TECTA: variants seen among roughly 807,000 people sequenced by gnomAD.
TECTA encodes the protein tectorin alpha.
Under a neutral mutation model 216.8 loss-of-function variants are expected in TECTA, and 128 were observed. The ratio of observed to expected loss-of-function variants is 0.59; its 90% CI spans 0.51 to 0.68. The LOEUF is 0.68. TECTA is among the 30% of genes least tolerant of loss of function. The pLI is 0.00. For missense variants in TECTA, 2,551 were observed against 2,786.2 expected (o/e 0.92, Z 1.90); for synonymous variants, 1,089 against 1,117.1 (o/e 0.97, Z 0.50).
chr11:121,108,140 G>A (rs1323135627), intron 3 of TECTA, among the ~76,000 whole-genome samples: 4 of 152,070 alleles, frequency 2.6e-5, no homozygotes, highest in Admixed American at 2.6e-4. Flanking sequence ...CTAACATAGG[G>A]CACCTCAATT....
At chr11:121,104,337 G>T (rs780261737) in intron 2 of TECTA, among the ~76,000 whole-genome samples, 2 of 152,134 alleles carry the variant, frequency 1.3e-5, no homozygotes, top group Non-Finnish European at 2.9e-5. Context: ...CCTGCTGGTT[G>T]TGACATTAAA....
chr11:121,142,785 G>A (rs1160655373), intron 11 of TECTA, among the ~76,000 whole-genome samples: 1 of 151,978 alleles, frequency 6.6e-6, no homozygotes, highest in Admixed American at 6.6e-5. Context: ...TCCCTTCCAG[G>A]TGCCGAGAGT....
intron 11 of TECTA, among the ~76,000 whole-genome samples, chr11:121,140,189 A>G (rs1298328826): frequency 6.6e-6 from 1 of 152,158 alleles, no homozygotes; most frequent in Non-Finnish European, 1.5e-5. Flanking sequence ...TAGGTACCGC[A>G]ACATCTGAGG....
intron 3 of TECTA, among the ~76,000 whole-genome samples, chr11:121,108,629 C>T (rs1340028584): frequency 1.3e-5 from 2 of 149,820 alleles, no homozygotes; most frequent in African/African-American, 2.5e-5. Flanking sequence ...CACTCCCCAC[C>T]CCAGAATACA....
At chr11:121,188,340 ATCT>A (rs1947308178) in intron 21 of TECTA, among the ~76,000 whole-genome samples, 1 of 152,214 alleles carries the variant, frequency 6.6e-6, no homozygotes, top group Non-Finnish European at 1.5e-5. Context: ...TACCAGTCAC[ATCT>A]TCCCCCAGTT....
intron 11 of TECTA, among the ~76,000 whole-genome samples, chr11:121,143,599 C>T (rs1010307134): frequency 2.0e-5 from 3 of 152,226 alleles, no homozygotes; most frequent in Non-Finnish European, 4.4e-5. Flanking sequence ...TAGGGAAAGG[C>T]CGTATGTGCT....
chr11:121,166,823 C>T, intron 18 of TECTA, 43 bp downstream of exon 18: 2 of 1,605,962 alleles, frequency 1.2e-6, no homozygotes, highest in Non-Finnish European at 1.7e-6. Context: ...GAGGCAGCGA[C>T]AGCTTCGAGT....
Position 121,191,080 on chromosome 11 carries a change from A to G in TECTA, c.*274A>G, listed in dbSNP as rs1947336153. On this transcript the variant is annotated 3_prime_UTR_variant, in exon 24 of 24. Transcript: ENST00000392793. The stretch of plus-strand genomic sequence containing the variant: ...GTCACTAGAGACTTTGGTTCACATG[A>G]AAAACCAGTAAAGGAAAAAAATTCT... The G allele has an allele frequency of 8.4e-6, 3 of 356,176 alleles. No individual in the cohort carries two copies. The highest frequency in any genetic ancestry group is 8.0e-5 in the Admixed American group (2 of 25,052). The allele number at this position is 356,176 out of a possible 1,614,324, so 22.1% of individuals were successfully genotyped here. A position where few individuals can be genotyped will look rare whatever the true frequency, so the allele number is the denominator to read the frequency against.
intron 7 of TECTA, among the ~76,000 whole-genome samples, chr11:121,118,993 G>GCACACACACACACACAAACACACATA (rs1946529062): frequency 1.8e-5 from 1 of 55,952 alleles, no homozygotes; most frequent in Admixed American, 2.2e-4. Flanking sequence ...ACACTGATAG[G>GCACACACACACACACAAACACACATA]CACACACACA....
chr11:121,162,939 A>G (rs866392438), intron 16 of TECTA, among the ~76,000 whole-genome samples: 2 of 152,186 alleles, frequency 1.3e-5, no homozygotes, highest in African/African-American at 4.8e-5. Context: ...GTGTATTTCT[A>G]TTATTCAATT....
intron 20 of TECTA, among the ~76,000 whole-genome samples, chr11:121,179,608 G>C (rs1339460452): frequency 2.0e-5 from 3 of 152,058 alleles, no homozygotes; most frequent in Non-Finnish European, 4.4e-5. Flanking sequence ...CCAATGTTGA[G>C]AGTAGGGTGT....
chr11:121,135,964 T>C (rs1056600803), intron 10 of TECTA, among the ~76,000 whole-genome samples: 2 of 149,860 alleles, frequency 1.3e-5, no homozygotes, highest in Non-Finnish European at 3.0e-5. Flanking sequence ...TTTATGTGCT[T>C]TTTTTTTTTC....
chr11:121,112,092 T>C (rs762743603), intron 4 of TECTA, among the ~76,000 whole-genome samples: 13 of 152,210 alleles, frequency 8.5e-5, no homozygotes, highest in South Asian at 4.1e-4. Flanking sequence ...AAAAGGTCAA[T>C]GCAGCCTCTC....
chr11:121,118,206 G>A (rs560947221), intron 6 of TECTA, 100 bp from the exon 7 acceptor site: 201 of 1,478,006 alleles, frequency 1.4e-4, no homozygotes, highest in African/African-American at 6.9e-4. Context: ...GGGTTCTTAC[G>A]TGGATTAAAT....
At chr11:121,134,140 C>A (rs1946701778) in intron 10 of TECTA, among the ~76,000 whole-genome samples, 1 of 152,074 alleles carries the variant, frequency 6.6e-6, no homozygotes, top group Non-Finnish European at 1.5e-5. Context: ...TTTGGCATAA[C>A]AGGGTGCTTC....
At chr11:121,171,831 C>T (rs1947115357) in intron 20 of TECTA, among the ~76,000 whole-genome samples, 2 of 152,084 alleles carry the variant, frequency 1.3e-5, no homozygotes, top group Admixed American at 1.3e-4. Flanking sequence ...TTAGGTTTTT[C>T]TGTATATAAG....
In TECTA at chr11:121,129,716, A is replaced by T; in HGVS notation, c.2446A>T (p.Thr816Ser). 4 of 1,614,216 alleles carry T rather than the reference A, an allele frequency of 2.5e-6. No individual in the cohort carries two copies. Among genetic ancestry groups the T allele is most frequent in the Non-Finnish European group, 3.4e-6 (4 of 1,180,032 alleles). Residue 816 changes from threonine to serine, a missense_variant, in exon 10 of 24, where the codon ACA (threonine) becomes TCA (serine). Physicochemically the swap from Thr to Ser is moderately conservative, Grantham distance 58. This residue lies in a region of TECTA where 2,375 missense variants were observed against 2,563.9 expected (regional missense o/e 0.93). Transcript: ENST00000392793. ...LEIYRNKNST[T>S]VESKGVVTVQ... ...AATTTATCGAAACAAAAACAGTACG[A>T]CAGTGGAGTCCAAGGGCGTGGTGAC...
rs1271331019 is a variant in TECTA at position 121,137,643 on chromosome 11, T to C, written c.3164T>C (p.Leu1055Pro). The change falls in exon 11 of 24, where the codon CTG (leucine) becomes CCG (proline). Residue 1055 changes from leucine (L) to proline (P), a missense_variant. Physicochemically the swap from Leu to Pro is moderately conservative, Grantham distance 98. Transcript: ENST00000392793. ...ACCAATGAGACCTTCTGGGTGGACCTGGACTGCCAGATCTTCTGCTATTGC... is the reference window on the plus strand; with the variant it reads ...ACCAATGAGACCTTCTGGGTGGACCCGGACTGCCAGATCTTCTGCTATTGC... The part of the protein sequence containing the change: ...LATNETFWVD[L>P]DCQIFCYCSG... 1 of 1,614,018 alleles carries C rather than the reference T, an allele frequency of 6.2e-7. No individual in the cohort carries two copies. Among genetic ancestry groups the C allele is most frequent in the East Asian group, 2.2e-5 (1 of 44,842 alleles).
In TECTA at chr11:121,158,093, C is replaced by G; in HGVS notation, c.4558C>G (p.Leu1520Val). The G allele has an allele frequency of 1.2e-6, 2 of 1,614,194 alleles. No homozygotes were observed. The highest frequency in any genetic ancestry group is 1.7e-6 in the Non-Finnish European group (2 of 1,180,036). ...CGTGCTGTCCACCATCTGCCAGAAA[C>G]TGCCCGACATCTCCTTCCAGCTTAT... ...AFVLSTICQK[L>V]PDISFQLIIN... is the part of the protein sequence containing the mutation. Residue 1520 changes from leucine (L) to valine (V), a missense_variant, in exon 14 of 24, where the codon CTG (leucine) becomes GTG (valine). Around this residue, in one of 3 missense-constraint regions of TECTA, gnomAD observed 2,375 missense variants for 2,563.9 expected, o/e 0.93. Coordinates refer to ENST00000392793, the MANE Select transcript of TECTA (RefSeq NM_005422.4).
Sources: gnomAD v4.1 joint callset for allele counts (sites outside exome capture counted in the v4.1 genomes callset) on GRCh38, gnomAD v4.1.1 for gene constraint, gnomAD v4.1.1 regional missense constraint, MANE v1.5 for transcripts, NCBI Gene and HGNC (gene_info 2026-07-23, HGNC 2026-07-21) for gene names.